Variants in KIAA1217 observed in about 807,000 individuals in gnomAD.
The protein encoded by KIAA1217 is KIAA1217.
A neutral mutation model predicts 163.9 loss-of-function variants in KIAA1217; 88 were observed. That is an observed-to-expected ratio of 0.54 (90% CI 0.45 to 0.64). The LOEUF (loss-of-function observed/expected upper bound fraction) is 0.64, where lower values mean the gene tolerates loss of function less well. Among genes scored for constraint, KIAA1217 ranks in the 30% least tolerant of loss-of-function variants. KIAA1217 has a pLI of 0.00. For missense variants in KIAA1217, 2,372 were observed against 2,475.0 expected (o/e 0.96, Z 0.88); for synonymous variants, 903 against 923.1 (o/e 0.98, Z 0.39).
intron 1 of KIAA1217, among the ~76,000 whole-genome samples, chr10:23,798,424 C>A (rs1462156939): frequency 3.9e-5 from 6 of 152,226 alleles, no homozygotes; most frequent in Non-Finnish European, 8.8e-5. Context: ...TACCCATCAT[C>A]TTCAGCATTG....
intron 1 of KIAA1217, among the ~76,000 whole-genome samples, chr10:23,932,339 C>A (rs1024395454): frequency 2.0e-5 from 3 of 152,082 alleles, no homozygotes; most frequent in African/African-American, 7.2e-5. Context: ...AATTTTCATT[C>A]ATTCATCAAC....
chr10:24,095,044 T>C (rs1385930600), intron 2 of KIAA1217, among the ~76,000 whole-genome samples: 3 of 152,076 alleles, frequency 2.0e-5, no homozygotes, highest in Non-Finnish European at 2.9e-5. Flanking sequence ...GAGCCAGGTG[T>C]GGGATATATT....
intron 1 of KIAA1217, among the ~76,000 whole-genome samples, chr10:23,996,500 C>T (rs1178499496): frequency 6.6e-6 from 1 of 152,122 alleles, no homozygotes; most frequent in Non-Finnish European, 1.5e-5. Flanking sequence ...TATCCAACAC[C>T]TGTCACAGTG....
In KIAA1217 at chr10:23,817,988, T is replaced by TACACAC. The variant is rs1373067452; in HGVS notation, c.-321+122755_-321+122756insCACACA. Reference sequence around the variant, plus strand: ...ATATATATATATATATATATATATATATATATATATATATATATATACACA... The same window carrying TACACAC: ...ATATATATATATATATATATATATATACACACATATATATATATATATATATACACA... On this transcript the variant is annotated intron_variant, in intron 1 of 18. Coordinates refer to the KIAA1217 transcript ENST00000376462. 5.5e-3 allele frequency among the ~76,000 whole-genome samples: 664 copies of TACACAC among 120,360 alleles called. 17 individuals are homozygous for TACACAC. Among genetic ancestry groups the TACACAC allele is most frequent in the African/African-American group, 0.019 (569 of 29,994 alleles). 79.0% of individuals were successfully genotyped at this position (120,360 alleles called of 152,430 possible).
Position 24,085,490 on chromosome 10 carries a change from A to G in KIAA1217, c.-171+78116A>G, listed in dbSNP as rs576853577. Among the ~76,000 whole-genome samples, 123 of 152,234 alleles carry G rather than the reference A, an allele frequency of 8.1e-4. 2 individuals carry two copies. In the South Asian group the frequency reaches 0.021, roughly 26 times the overall value. On this transcript the variant is annotated intron_variant, in intron 2 of 18. Transcript: ENST00000376462. Reference sequence around the variant, plus strand: ...GTGCAAGTCAAAAGTCTTATTGGAAAGGGTAAGATTTCTAGCCCACGGCCA... The same window carrying G: ...GTGCAAGTCAAAAGTCTTATTGGAAGGGGTAAGATTTCTAGCCCACGGCCA...
intron 2 of KIAA1217, among the ~76,000 whole-genome samples, chr10:24,059,614 G>T (rs921728423): frequency 4.6e-5 from 7 of 152,070 alleles, no homozygotes; most frequent in Non-Finnish European, 8.8e-5. Flanking sequence ...AGCTCGCTCT[G>T]TCACCCAGGC....
rs537258566 is a variant in KIAA1217, at chr10:23,982,278, AC to A, written c.-320-24946del. On this transcript the variant is annotated intron_variant, in intron 1 of 18. Transcript: ENST00000376462. ...ATCTGTGCAATGGTCTCAAAGTCATACAATTAATGATCAGTAGTGGAATCAG... is the reference window on the plus strand; with the variant it reads ...ATCTGTGCAATGGTCTCAAAGTCATAAATTAATGATCAGTAGTGGAATCAG... Among the ~76,000 whole-genome samples, 32 of 152,316 alleles carry A rather than the reference AC, an allele frequency of 2.1e-4. 1 individual carries two copies. In the South Asian group the frequency reaches 6.4e-3, roughly 31 times the overall value.
At chr10:24,513,187 A>T (rs753210868) in intron 9 of KIAA1217, 72 bp from the exon 10 acceptor site, 22 of 1,457,086 alleles carry the variant, frequency 1.5e-5, no homozygotes, top group Non-Finnish European at 2.1e-5. Context: ...TGCTCCGAAG[A>T]CTTCAAGGCA....
intron 1 of KIAA1217, among the ~76,000 whole-genome samples, chr10:23,921,245 A>C (rs370023544): frequency 2.4e-4 from 37 of 152,304 alleles, no homozygotes; most frequent in East Asian, 1.5e-3. Context: ...ACCCAATAGA[A>C]AATGAATGAT....
intron 1 of KIAA1217, among the ~76,000 whole-genome samples, chr10:23,990,507 C>G (rs1318727557): frequency 6.6e-6 from 1 of 152,124 alleles, no homozygotes; most frequent in African/African-American, 2.4e-5. Flanking sequence ...ACACCCTTCT[C>G]CTAATTCAGT....
At chr10:23,955,524 C>T (rs1024912166) in intron 1 of KIAA1217, among the ~76,000 whole-genome samples, 6 of 152,154 alleles carry the variant, frequency 3.9e-5, no homozygotes, top group African/African-American at 1.4e-4. Context: ...ATGGAACAGA[C>T]ATTTGCAATT....
chr10:23,952,536 G>A (rs979211143), intron 1 of KIAA1217, among the ~76,000 whole-genome samples: 13 of 152,166 alleles, frequency 8.5e-5, no homozygotes, highest in Admixed American at 6.5e-5. Flanking sequence ...TTCTATCATA[G>A]CATTATTGAC....
intron 12 of KIAA1217, among the ~76,000 whole-genome samples, chr10:24,522,440 A>C (rs2071429996): frequency 6.6e-6 from 1 of 152,264 alleles, no homozygotes; most frequent in South Asian, 2.1e-4. Flanking sequence ...TTCAGTTCAA[A>C]GAAATGTAAT....
chr10:24,000,759 C>T (rs1846703429), intron 1 of KIAA1217, among the ~76,000 whole-genome samples: 1 of 152,234 alleles, frequency 6.6e-6, no homozygotes, highest in Non-Finnish European at 1.5e-5. Context: ...TTCAAGTACA[C>T]AGCTTCCTCT....
At chr10:23,974,890 C>CCT (rs1554833581) in intron 1 of KIAA1217, among the ~76,000 whole-genome samples, 3 of 151,774 alleles carry the variant, frequency 2.0e-5, no homozygotes, top group African/African-American at 7.3e-5. Flanking sequence ...CCTTCCCCCC[C>CCT]CCATAGATAG....
chr10:24,515,305 T>G (rs142217470), intron 10 of KIAA1217, among the ~76,000 whole-genome samples: 1 of 152,232 alleles, frequency 6.6e-6, no homozygotes, highest in African/African-American at 2.4e-5. Context: ...TGACCTCAGG[T>G]GATCCACCTG....
At chr10:24,062,773 T>G (rs1003402575) in intron 2 of KIAA1217, among the ~76,000 whole-genome samples, 3 of 152,142 alleles carry the variant, frequency 2.0e-5, no homozygotes, top group Non-Finnish European at 1.5e-5. Context: ...AAAGTGTTCC[T>G]ATTTCTCCAC....
At chr10:24,046,287 A>G (rs1849020223) in intron 2 of KIAA1217, among the ~76,000 whole-genome samples, 1 of 152,126 alleles carries the variant, frequency 6.6e-6, no homozygotes, top group Non-Finnish European at 1.5e-5. Flanking sequence ...CTATGTGGCC[A>G]GCACACTTCT....
chr10:23,875,220 A>G (rs776745977), intron 1 of KIAA1217, among the ~76,000 whole-genome samples: 9 of 152,026 alleles, frequency 5.9e-5, no homozygotes, highest in Non-Finnish European at 8.8e-5. Context: ...TTGGAGGGGA[A>G]AAATATATAA....
Sources: gnomAD v4.1 joint callset for allele counts (sites outside exome capture counted in the v4.1 genomes callset) on GRCh38, gnomAD v4.1.1 for gene constraint, MANE v1.5 for transcripts, NCBI Gene and HGNC (gene_info 2026-07-23, HGNC 2026-07-21) for gene names.